Variants in DPP6 observed in about 807,000 individuals in gnomAD.
DPP6 encodes A-type potassium channel modulatory protein DPP6.
In DPP6, 69 loss-of-function variants were observed where a neutral mutation model predicts 122.6. The ratio of observed to expected loss-of-function variants is 0.56; its 90% confidence interval spans 0.46 to 0.69. The LOEUF (loss-of-function observed/expected upper bound fraction) is 0.69, where lower values mean the gene tolerates loss of function less well. DPP6 is among the 30% of genes least tolerant of loss of function. The pLI, the probability that DPP6 is intolerant of heterozygous loss-of-function variation, is 0.00. For missense variants in DPP6, 928 were observed against 1,116.9 expected (o/e 0.83, Z 2.41); for synonymous variants, 418 against 433.1 (o/e 0.97, Z 0.43).
chr7:154,076,117 C>T (rs1198129922), intron 1 of DPP6, among the ~76,000 whole-genome samples: 1 of 151,814 alleles, frequency 6.6e-6, no homozygotes, highest in East Asian at 2.0e-4. Context: ...GAAGCTTCTT[C>T]CTATGTGTAA....
chr7:153,870,480 G>A, the DPP6 span, among the ~76,000 whole-genome samples: 6 of 152,100 alleles, frequency 3.9e-5, no homozygotes, highest in African/African-American at 1.4e-4. Flanking sequence ...CATAATTCTC[G>A]TGCTGTGGTT....
intron 1 of DPP6, among the ~76,000 whole-genome samples, chr7:154,047,194 G>C (rs745346312): frequency 3.9e-4 from 58 of 149,960 alleles, no homozygotes; most frequent in Non-Finnish European, 6.8e-4. Context: ...GCAGGACTTG[G>C]TCCTTCACAA....
At chr7:154,882,005 C>G (rs930488965) in intron 21 of DPP6, among the ~76,000 whole-genome samples, 18 of 152,218 alleles carry the variant, frequency 1.2e-4, no homozygotes, top group African/African-American at 4.1e-4. Context: ...TCCCAGCAGA[C>G]TGGCAGCTGA....
At chr7:154,456,563 C>T (rs948835550) in intron 2 of DPP6, among the ~76,000 whole-genome samples, 11 of 88,496 alleles carry the variant, frequency 1.2e-4, no homozygotes, top group East Asian at 1.1e-3. Flanking sequence ...CTAAAAAATG[C>T]GCCCCCCCCA....
the DPP6 span, among the ~76,000 whole-genome samples, chr7:153,836,775 G>A: frequency 6.6e-6 from 1 of 152,264 alleles, no homozygotes; most frequent in East Asian, 1.9e-4. Flanking sequence ...GTTTATTGTA[G>A]CATTTCATGC....
intron 1 of DPP6, among the ~76,000 whole-genome samples, chr7:154,063,604 G>GGGC (rs1802419796): frequency 8.0e-6 from 1 of 124,644 alleles, no homozygotes; most frequent in African/African-American, 3.1e-5. Context: ...ATCGCAGTGA[G>GGGC]GGAGGCACCC....
In DPP6 at chr7:154,130,267, C is replaced by A. The variant is rs867092820; in HGVS notation, c.243+77204C>A. 1.1e-4 allele frequency among the ~76,000 whole-genome samples: 16 copies of A among 152,172 alleles called. No homozygotes were observed. In the South Asian group the frequency reaches 2.3e-3, roughly 22 times the overall value. Reference sequence around the variant, plus strand: ...GCAGAACTTTCAGCTTCCTCAAGGTCGTTCCTTAGTCGTTGCCACTGAAAA... The same window carrying A: ...GCAGAACTTTCAGCTTCCTCAAGGTAGTTCCTTAGTCGTTGCCACTGAAAA... On this transcript the variant is annotated intron_variant, in intron 1 of 25. Coordinates refer to ENST00000377770, the MANE Select transcript of DPP6 (RefSeq NM_130797.4).
At chr7:153,824,250 A>C in the DPP6 span, among the ~76,000 whole-genome samples, 1 of 151,978 alleles carries the variant, frequency 6.6e-6, no homozygotes, top group African/African-American at 2.4e-5. Context: ...TTAGCCAGTG[A>C]GGTGATGTGA....
At chr7:154,468,672 T>C (rs1401298441) in intron 2 of DPP6, among the ~76,000 whole-genome samples, 2 of 152,228 alleles carry the variant, frequency 1.3e-5, no homozygotes, top group Non-Finnish European at 1.5e-5. Context: ...TGTATACCTT[T>C]GATGTATTTG....
intron 1 of DPP6, among the ~76,000 whole-genome samples, chr7:154,207,733 T>G (rs1371140038): frequency 6.6e-6 from 1 of 152,236 alleles, no homozygotes; most frequent in Non-Finnish European, 1.5e-5. Context: ...ACTATCTTTT[T>G]ATAAATGAAG....
intron 1 of DPP6, among the ~76,000 whole-genome samples, chr7:154,158,685 G>C (rs1480640549): frequency 6.6e-6 from 1 of 151,974 alleles, no homozygotes; most frequent in Non-Finnish European, 1.5e-5. Flanking sequence ...AATAAAAGCT[G>C]AATAGAATTT....
upstream of DPP6, among the ~76,000 whole-genome samples, chr7:154,049,187 G>A (rs1180788060): frequency 4.1e-5 from 6 of 147,096 alleles, no homozygotes; most frequent in South Asian, 2.1e-4. Flanking sequence ...TACTTCAGGC[G>A]TTCAAGGAGA....
intron 7 of DPP6, among the ~76,000 whole-genome samples, chr7:154,673,755 G>A (rs747831093): frequency 6.6e-6 from 1 of 152,222 alleles, no homozygotes; most frequent in African/African-American, 2.4e-5. Flanking sequence ...AACTGGAGTG[G>A]TCAGTCGGGA....
At chr7:154,051,451 G>A (rs1294037971), upstream of DPP6, among the ~76,000 whole-genome samples, 2 of 151,092 alleles carry the variant, frequency 1.3e-5, no homozygotes, top group Non-Finnish European at 3.0e-5. Context: ...GGGAGGGCCG[G>A]GAGGGGAAGA....
chr7:153,781,629 C>A, the DPP6 span, among the ~76,000 whole-genome samples: 1 of 152,108 alleles, frequency 6.6e-6, no homozygotes, highest in Non-Finnish European at 1.5e-5. Context: ...TTGGCTCCCC[C>A]TTATTCTGCT....
chr7:154,664,161 G>T, intron 6 of DPP6, among the ~76,000 whole-genome samples: 1 of 149,740 alleles, frequency 6.7e-6, no homozygotes, highest in African/African-American at 2.4e-5. Flanking sequence ...ATATAGTCAT[G>T]GTGAATCACT....
intron 21 of DPP6, chr7:154,884,435 A>T (rs1200105196): frequency 2.1e-5 from 3 of 144,888 alleles, no homozygotes; most frequent in African/African-American, 7.7e-5. Flanking sequence ...CCACATGCTC[A>T]CCTATACACA....
rs768419282 is a variant in DPP6, at chr7:154,587,777, T to A, written c.627+20861T>A. 1.9e-6 allele frequency: 3 copies of A among 1,608,020 alleles called. No individual in the cohort carries two copies. The South Asian group carries it at 3.3e-5, about 18-fold the overall frequency. On this transcript the variant is annotated intron_variant, in intron 5 of 25. Transcript: ENST00000377770. ...TTTCTTCATTACATCACCATGTCTC[T>A]TCCTCTTCACTGCCTGCGTGACTAT... is the stretch of plus-strand genomic sequence containing the variant.
At chr7:154,316,390 A>C (rs2151009031) in intron 1 of DPP6, among the ~76,000 whole-genome samples, 1 of 152,368 alleles carries the variant, frequency 6.6e-6, no homozygotes, top group Middle Eastern at 3.4e-3. Flanking sequence ...GAAAACCATC[A>C]GAAATCAAAG....
Sources: allele counts gnomAD v4.1 joint callset (sites outside exome capture counted in the v4.1 genomes callset), GRCh38; gene constraint gnomAD v4.1.1; transcripts MANE v1.5; gene names NCBI Gene and HGNC (gene_info 2026-07-23, HGNC 2026-07-21).